ZNF267: variants seen among roughly 807,000 people sequenced by gnomAD.
ZNF267 encodes the protein zinc finger protein 267.
In ZNF267, 61 loss-of-function variants were observed where a neutral mutation model predicts 71.6. That is an observed-to-expected ratio of 0.85 (90% CI 0.69 to 1.05). The LOEUF (loss-of-function observed/expected upper bound fraction) is 1.05, where lower values mean the gene tolerates loss of function less well. Among genes scored for constraint, ZNF267 ranks in the 50% least tolerant of loss-of-function variants. The probability of loss-of-function intolerance (pLI) is 0.00; values close to 1 mark genes in which losing one functional copy is unlikely to be tolerated. For synonymous variants in ZNF267, 288 were observed against 293.2 expected (o/e 0.98, Z 0.18); for missense variants, 852 against 870.0 (o/e 0.98, Z 0.26).
chr16:31,897,549 T>C (rs186286673), intron 3 of ZNF267, among the ~76,000 whole-genome samples: 35 of 152,276 alleles, frequency 2.3e-4, no homozygotes, highest in African/African-American at 7.9e-4. Flanking sequence ...ATGTCTCCTT[T>C]TTTTCCCCCC....
chr16:31,916,415 C>T lies in ZNF267; in HGVS notation c.2166C>T (p.Gly722=), dbSNP rs1567240671. ...GERPYKCEEC[G]KAFNSRSYLI... is the part of the protein sequence containing the mutation. ...GACCCTACAAATGTGAAGAATGTGG[C>T]AAAGCCTTTAACTCTAGGTCATACC... Residue 722 remains glycine (G), a synonymous_variant, in exon 4 of 4, where the codon GGC becomes GGT. Transcript: ENST00000300870. 6.2e-7 allele frequency: 1 copy of T among 1,614,078 alleles called. No homozygotes were observed. Among genetic ancestry groups the T allele is most frequent in the African/African-American group, 1.3e-5 (1 of 75,056 alleles).
chr16:31,876,244 G>A (rs944496009), intron 1 of ZNF267, among the ~76,000 whole-genome samples: 2 of 152,096 alleles, frequency 1.3e-5, no homozygotes, highest in African/African-American at 4.8e-5. Flanking sequence ...TTGGAGACAG[G>A]ATCTCTCCTC....
chr16:31,875,161 T>C, intron 1 of ZNF267: 4 of 1,289,170 alleles, frequency 3.1e-6, no homozygotes, highest in Non-Finnish European at 4.0e-6. Context: ...GGGCCCTGTA[T>C]AGCCACCCTC....
At chr16:31,892,939 A>G (rs1330117860) in intron 3 of ZNF267, among the ~76,000 whole-genome samples, 1 of 152,100 alleles carries the variant, frequency 6.6e-6, no homozygotes, top group Non-Finnish European at 1.5e-5. Flanking sequence ...GGTCTGGAGG[A>G]CAGTGGCCCT....
At chr16:31,896,213 A>G (rs1047976402) in intron 3 of ZNF267, among the ~76,000 whole-genome samples, 10 of 152,210 alleles carry the variant, frequency 6.6e-5, no homozygotes, top group African/African-American at 2.4e-4. Flanking sequence ...GGATCTCACT[A>G]TGTAGCCCAG....
rs770826173 is a variant in ZNF267 at position 31,916,477 on chromosome 16, T to C, written c.2228T>C (p.Leu743Pro). ...CAGAGAAGTCATACTAGAGAAAAAC[T>C]TTAAAAATGTAAAACATGGAGCAGA... ...AHQRSHTREK[L>P] Residue 743 changes from leucine (L) to proline (P), a missense_variant, in exon 4 of 4, where the codon CTT becomes CCT. Transcript: ENST00000300870. The C allele has an allele frequency of 4.4e-6, 7 of 1,603,706 alleles. No homozygotes were observed. The highest frequency in any genetic ancestry group is 6.0e-6 in the Non-Finnish European group (7 of 1,175,488).
intron 3 of ZNF267, among the ~76,000 whole-genome samples, chr16:31,895,324 T>C (rs2083990444): frequency 6.6e-6 from 1 of 152,260 alleles, no homozygotes; most frequent in South Asian, 2.1e-4. Context: ...CCGAAAAGTA[T>C]TTAATAGTAT....
intron 3 of ZNF267, among the ~76,000 whole-genome samples, chr16:31,907,560 T>C (rs951984083): frequency 1.2e-4 from 18 of 152,326 alleles, no homozygotes; most frequent in African/African-American, 3.8e-4. Context: ...TCATCCATTT[T>C]CTCTTTTAGT....
intron 3 of ZNF267, among the ~76,000 whole-genome samples, chr16:31,904,708 C>G (rs1379555923): frequency 6.6e-6 from 1 of 152,164 alleles, no homozygotes; most frequent in African/African-American, 2.4e-5. Flanking sequence ...TTCCTGAATA[C>G]AGCACACTGA....
At chr16:31,886,130 A>G in intron 3 of ZNF267, among the ~76,000 whole-genome samples, 1 of 152,072 alleles carries the variant, frequency 6.6e-6, no homozygotes, top group South Asian at 2.1e-4. Context: ...CACAATATAA[A>G]TATTATCTAT....
At chr16:31,900,031 T>G (rs974771286) in intron 3 of ZNF267, among the ~76,000 whole-genome samples, 1 of 151,838 alleles carries the variant, frequency 6.6e-6, no homozygotes, top group Admixed American at 6.6e-5. Context: ...CACAATGTGT[T>G]TATTTATATA....
chr16:31,905,210 C>T (rs544567170), intron 3 of ZNF267, among the ~76,000 whole-genome samples: 20 of 152,150 alleles, frequency 1.3e-4, no homozygotes, highest in Non-Finnish European at 2.6e-4. Context: ...TCTCTGGCTG[C>T]CCTTAACATT....
In ZNF267 at chr16:31,874,024, GGCGGGAACCC is replaced by G. The variant is rs1171497115; in HGVS notation, c.3+58_3+67del. On this transcript the variant is annotated intron_variant, in intron 1 of 3. Coordinates refer to ENST00000300870, the MANE Select transcript of ZNF267 (RefSeq NM_003414.6). ...GGGAGGGAGGGCGGTGGTCGGAAGC[GGCGGGAACCC>G]GCTGTAGGGGCACCCGGGCCTCCCC... 2.5e-6 allele frequency: 4 copies of G among 1,596,088 alleles called. No homozygotes were observed. In the East Asian group the frequency reaches 9.0e-5, roughly 36 times the overall value.
chr16:31,882,359 G>A (rs1040101302), intron 1 of ZNF267, among the ~76,000 whole-genome samples: 3 of 152,200 alleles, frequency 2.0e-5, no homozygotes, highest in African/African-American at 7.2e-5. Flanking sequence ...TGAACGAAAA[G>A]TATTTTTGTT....
chr16:31,883,075 A>G (rs1432651907), intron 1 of ZNF267, among the ~76,000 whole-genome samples: 1 of 152,132 alleles, frequency 6.6e-6, no homozygotes, highest in Non-Finnish European at 1.5e-5. Flanking sequence ...TTTCCATTTT[A>G]TTTCATCTCA....
intron 3 of ZNF267, among the ~76,000 whole-genome samples, chr16:31,887,945 A>C (rs958965463): frequency 6.6e-6 from 1 of 151,986 alleles, no homozygotes; most frequent in African/African-American, 2.4e-5. Context: ...ATTTCATTGG[A>C]TCTGTGAATC....
chr16:31,878,354 C>T (rs996025316), intron 1 of ZNF267, among the ~76,000 whole-genome samples: 3 of 152,128 alleles, frequency 2.0e-5, no homozygotes, highest in East Asian at 1.9e-4. Context: ...ACCCCCTCCC[C>T]GACCCAGCTG....
chr16:31,892,352 C>T (rs1354859455), intron 3 of ZNF267, among the ~76,000 whole-genome samples: 1 of 152,154 alleles, frequency 6.6e-6, no homozygotes, highest in Non-Finnish European at 1.5e-5. Flanking sequence ...CCGACCAGGT[C>T]CCTCCCACAA....
intron 1 of ZNF267, among the ~76,000 whole-genome samples, chr16:31,881,670 CTTTTTTTTTT>C (rs747627467): frequency 3.2e-5 from 4 of 125,514 alleles, no homozygotes; most frequent in East Asian, 4.5e-4. Context: ...TTTTCTTCTT[CTTTTTTTTTT>C]TTTTTTTTTT....
Sources: gnomAD v4.1 joint callset for allele counts (sites outside exome capture counted in the v4.1 genomes callset) on GRCh38, gnomAD v4.1.1 for gene constraint, MANE v1.5 for transcripts, NCBI Gene and HGNC (gene_info 2026-07-23, HGNC 2026-07-21) for gene names.